AGBL4: variants seen among roughly 807,000 people sequenced by gnomAD.
AGBL4 encodes the protein AGBL carboxypeptidase 4.
Under a neutral mutation model 66.4 loss-of-function variants are expected in AGBL4, and 58 were observed. The ratio of observed to expected loss-of-function variants is 0.87; its 90% CI spans 0.71 to 1.09. AGBL4 has a LOEUF of 1.09. AGBL4 is among the 50% of genes least tolerant of loss of function. The pLI, the probability that AGBL4 is intolerant of heterozygous loss-of-function variation, is 0.00. For synonymous variants in AGBL4, 234 were observed against 222.9 expected (o/e 1.05, Z -0.44); for missense variants, 579 against 631.0 (o/e 0.92, Z 0.88).
At chr1:49,657,155 A>G (rs1272985559) in intron 3 of AGBL4, among the ~76,000 whole-genome samples, 3 of 152,250 alleles carry the variant, frequency 2.0e-5, no homozygotes, top group Admixed American at 6.5e-5. Context: ...CAGCTTCAGC[A>G]AAGTCTCAGG....
chr1:49,005,984 G>C (rs1661757401), intron 5 of AGBL4, among the ~76,000 whole-genome samples: 2 of 152,004 alleles, frequency 1.3e-5, no homozygotes, highest in South Asian at 4.1e-4. Flanking sequence ...CTAGGCGACA[G>C]AGTGAGACTC....
At chr1:50,015,452 C>G (rs866423146) in intron 1 of AGBL4, among the ~76,000 whole-genome samples, 1 of 152,074 alleles carries the variant, frequency 6.6e-6, no homozygotes, top group South Asian at 2.1e-4. Context: ...ATTTTAAAAA[C>G]AAATAAAAAT....
At chr1:49,920,981 A>G (rs1049674990) in intron 1 of AGBL4, among the ~76,000 whole-genome samples, 1 of 152,242 alleles carries the variant, frequency 6.6e-6, no homozygotes, top group African/African-American at 2.4e-5. Context: ...TCAGCAAACT[A>G]TCGCAAGGAC....
chr1:49,362,660 T>C (rs1403333174), intron 3 of AGBL4, among the ~76,000 whole-genome samples: 1 of 152,066 alleles, frequency 6.6e-6, no homozygotes, highest in Non-Finnish European at 1.5e-5. Context: ...ACACCAACAA[T>C]TTCAATGACT....
intron 1 of AGBL4, among the ~76,000 whole-genome samples, chr1:49,948,031 T>TATATGTAA (rs1655499022): frequency 3.6e-5 from 1 of 27,974 alleles, no homozygotes; most frequent in East Asian, 6.1e-4. Context: ...TATATAAATA[T>TATATGTAA]ATATACATAT....
At chr1:48,633,521 G>A (rs1645622940) in intron 9 of AGBL4, among the ~76,000 whole-genome samples, 1 of 152,170 alleles carries the variant, frequency 6.6e-6, no homozygotes, top group African/African-American at 2.4e-5. Context: ...CAACAATTGA[G>A]TCTCCTCTGT....
intron 6 of AGBL4, among the ~76,000 whole-genome samples, chr1:48,670,130 C>A (rs1050989812): frequency 6.6e-6 from 1 of 152,182 alleles, no homozygotes; most frequent in African/African-American, 2.4e-5. Flanking sequence ...GGACAGGAGC[C>A]TTTCTGGTGT....
chr1:49,631,041 C>T (rs754781474), intron 3 of AGBL4, among the ~76,000 whole-genome samples: 3 of 152,110 alleles, frequency 2.0e-5, no homozygotes, highest in Non-Finnish European at 4.4e-5. Context: ...TATATTCCAG[C>T]ACCAAGGTAG....
intron 3 of AGBL4, among the ~76,000 whole-genome samples, chr1:49,294,259 T>A (rs1644598751): frequency 6.6e-6 from 1 of 152,202 alleles, no homozygotes; most frequent in Non-Finnish European, 1.5e-5. Context: ...ATTTTTGAAA[T>A]GCTTATCTTT....
intron 6 of AGBL4, among the ~76,000 whole-genome samples, chr1:48,865,991 ATAGAG>A (rs777904546): frequency 1.3e-5 from 2 of 152,188 alleles, no homozygotes; most frequent in African/African-American, 4.8e-5. Context: ...ATTCTATGGA[ATAGAG>A]TAAACTTTTT....
At chr1:49,296,252 G>T (rs1644641104) in intron 3 of AGBL4, among the ~76,000 whole-genome samples, 1 of 152,126 alleles carries the variant, frequency 6.6e-6, no homozygotes, top group African/African-American at 2.4e-5. Flanking sequence ...GAAAATAGAG[G>T]TTCAGAGAAA....
intron 1 of AGBL4, among the ~76,000 whole-genome samples, chr1:50,010,952 C>G (rs540988094): frequency 6.6e-6 from 1 of 151,918 alleles, no homozygotes; most frequent in Non-Finnish European, 1.5e-5. Context: ...GCAACCAAAG[C>G]AAAAATGGAC....
chr1:49,878,707 G>T (rs1647109802), intron 1 of AGBL4, among the ~76,000 whole-genome samples: 1 of 151,088 alleles, frequency 6.6e-6, no homozygotes, highest in South Asian at 2.1e-4. Flanking sequence ...TCAATTCCTG[G>T]GTATCGTTGT....
chr1:49,649,290 T>G (rs972757583), intron 3 of AGBL4, among the ~76,000 whole-genome samples: 23 of 152,092 alleles, frequency 1.5e-4, no homozygotes, highest in Non-Finnish European at 2.9e-4. Flanking sequence ...ATATAAAAAT[T>G]TAATGCCAAT....
chr1:49,526,890 CAGTAGAAAA>C lies in AGBL4; in HGVS notation c.282+170414_282+170422del, dbSNP rs1406079517. ...TGGAGTGATTTCTTAAAGGTAAAAGCAGTAGAAAAAGTACATTTTCTGATACTGTCCAGC... is the reference window on the plus strand; with the variant it reads ...TGGAGTGATTTCTTAAAGGTAAAAGCAGTACATTTTCTGATACTGTCCAGC... On this transcript the variant is annotated intron_variant, in intron 3 of 13. Coordinates refer to ENST00000371839, the MANE Select transcript of AGBL4 (RefSeq NM_032785.4). 2.6e-5 allele frequency among the ~76,000 whole-genome samples: 4 copies of C among 152,062 alleles called. No individual in the cohort carries two copies. In the South Asian group the frequency reaches 6.2e-4, roughly 24 times the overall value.
chr1:49,526,630 T>A (rs1558022367), intron 3 of AGBL4, among the ~76,000 whole-genome samples: 3 of 152,048 alleles, frequency 2.0e-5, no homozygotes, highest in Non-Finnish European at 1.5e-5. Context: ...CAAATTTAAA[T>A]GTATCATTAA....
chr1:49,647,276 A>C (rs1645908426), intron 3 of AGBL4, among the ~76,000 whole-genome samples: 2 of 152,106 alleles, frequency 1.3e-5, no homozygotes, highest in African/African-American at 4.8e-5. Flanking sequence ...CTAACAAGTA[A>C]AAAGCTAAAT....
chr1:49,448,503 A>C (rs1469511332), intron 3 of AGBL4, among the ~76,000 whole-genome samples: 1 of 152,208 alleles, frequency 6.6e-6, no homozygotes, highest in Non-Finnish European at 1.5e-5. Context: ...ATAACTTGAC[A>C]TCACTTTATT....
At chr1:49,935,511 G>C in intron 1 of AGBL4, among the ~76,000 whole-genome samples, 1 of 152,188 alleles carries the variant, frequency 6.6e-6, no homozygotes, top group Non-Finnish European at 1.5e-5. Context: ...CTGGAGATCT[G>C]AGAACGGGCA....
Sources: allele counts gnomAD v4.1 joint callset (sites outside exome capture counted in the v4.1 genomes callset), GRCh38; gene constraint gnomAD v4.1.1; transcripts MANE v1.5; gene names NCBI Gene and HGNC (gene_info 2026-07-23, HGNC 2026-07-21).